JAKMIP3: variants seen among roughly 807,000 people sequenced by gnomAD.
JAKMIP3 encodes Janus kinase and microtubule interacting protein 3, also known as janus kinase and microtubule-interacting protein 3.
Under a neutral mutation model 118.5 loss-of-function variants are expected in JAKMIP3, and 58 were observed. The ratio of observed to expected loss-of-function variants is 0.49; its 90% CI spans 0.40 to 0.61. JAKMIP3 has a LOEUF of 0.61. JAKMIP3 is among the 20% of genes least tolerant of loss of function. The pLI, the probability that JAKMIP3 is intolerant of heterozygous loss-of-function variation, is 0.00. For synonymous variants in JAKMIP3, 486 were observed against 451.2 expected (o/e 1.08, Z -0.98); for missense variants, 950 against 1,109.0 (o/e 0.86, Z 2.04).
chr10:132,092,269 A>G (rs1388001755), intron 1 of JAKMIP3, among the ~76,000 whole-genome samples: 2 of 152,058 alleles, frequency 1.3e-5, no homozygotes, highest in Non-Finnish European at 2.9e-5. Flanking sequence ...CTTGAGGAGT[A>G]TCTTTGTGGT....
chr10:132,169,064 C>A, intron 23 of JAKMIP3, 31 bp downstream of exon 23: 1 of 153,424 alleles, frequency 6.5e-6, no homozygotes, highest in Non-Finnish European at 1.5e-5. Flanking sequence ...GCGGGGAGGG[C>A]CTTTGCACCC....
At chr10:132,079,515 G>A (rs972717446) in intron 1 of JAKMIP3, among the ~76,000 whole-genome samples, 29 of 152,130 alleles carry the variant, frequency 1.9e-4, no homozygotes, top group Admixed American at 6.5e-5. Flanking sequence ...AAGCCAGGAG[G>A]GTTGACACTA....
intron 16 of JAKMIP3, among the ~76,000 whole-genome samples, chr10:132,151,781 C>A (rs758446705): frequency 1.3e-5 from 2 of 152,028 alleles, no homozygotes; most frequent in Non-Finnish European, 2.9e-5. Context: ...CTGCAGTCAT[C>A]ATGCAGCCTC....
intron 1 of JAKMIP3, among the ~76,000 whole-genome samples, chr10:132,051,821 G>C (rs2038114137): frequency 6.6e-6 from 1 of 152,170 alleles, no homozygotes; most frequent in Non-Finnish European, 1.5e-5. Flanking sequence ...TGCCCAGGTT[G>C]CTCTCAAACT....
chr10:132,156,017 T>G (rs2057047413), intron 19 of JAKMIP3, among the ~76,000 whole-genome samples: 1 of 152,086 alleles, frequency 6.6e-6, no homozygotes, highest in Non-Finnish European at 1.5e-5. Context: ...CATGCTTTGG[T>G]CAGAAGGAAG....
intron 1 of JAKMIP3, among the ~76,000 whole-genome samples, chr10:132,097,183 C>T (rs2043991072): frequency 6.6e-6 from 1 of 152,238 alleles, no homozygotes; most frequent in African/African-American, 2.4e-5. Context: ...GAGGCAAGGC[C>T]CCTCTGGAGA....
Position 132,180,718 on chromosome 10 carries a change from TGCGTGTGTGTGCGTGTGTGCGTGC to T in JAKMIP3, c.*1104-1637_*1104-1614del, listed in dbSNP as rs2061143099. On this transcript the variant is annotated intron_variant, in intron 23 of 23. Coordinates refer to ENST00000684848, the MANE Select transcript of JAKMIP3 (RefSeq NM_001323087.2). Reference sequence around the variant, plus strand: ...GTGCGTGTGTGTGTGCGCGTGTGTGTGCGTGTGTGTGCGTGTGTGCGTGCGTGCGCGCGCGTGTGTGCGTGTGTG... The same window carrying T: ...GTGCGTGTGTGTGTGCGCGTGTGTGTGTGCGCGCGCGTGTGTGCGTGTGTG... Among the ~76,000 whole-genome samples the T allele has an allele frequency of 8.0e-4, 15 of 18,778 alleles. 2 individuals are homozygous for T. Among genetic ancestry groups the T allele is most frequent in the African/African-American group, 3.0e-3 (10 of 3,346 alleles). The allele number at this position is 18,778 out of a possible 152,430, so 12.3% of individuals were successfully genotyped here. A position where few individuals can be genotyped will look rare whatever the true frequency, so the allele number is the denominator to read the frequency against.
At position 132,168,573 on chromosome 10, in the gene JAKMIP3, G is replaced by A; in HGVS notation, c.*643G>A. ...TCCACCCTCGTTCATCATCATCTCT[G>A]TGGGGACAGACAAGAGCCGTGGCCG... On this transcript the variant is annotated 3_prime_UTR_variant, in exon 23 of 24. Transcript: ENST00000684848. The A allele has an allele frequency of 2.6e-6, 1 of 387,784 alleles. No individual in the cohort carries two copies. The highest frequency in any genetic ancestry group is 2.0e-5 in the South Asian group (1 of 48,868). The allele number at this position is 387,784 out of a possible 1,614,324, so 24.0% of individuals were successfully genotyped here. A position where few individuals can be genotyped will look rare whatever the true frequency, so the allele number is the denominator to read the frequency against.
intron 19 of JAKMIP3, 108 bp from the exon 20 acceptor site, chr10:132,163,101 C>T: frequency 9.1e-7 from 1 of 1,100,240 alleles, no homozygotes; most frequent in South Asian, 1.5e-5. Context: ...GTTGCATATC[C>T]TCTTGGCCCT....
intron 1 of JAKMIP3, among the ~76,000 whole-genome samples, chr10:132,041,390 G>C (rs1030307933): frequency 1.3e-5 from 2 of 152,236 alleles, no homozygotes; most frequent in Non-Finnish European, 2.9e-5. Flanking sequence ...GGGGAACCCT[G>C]AGAGGAGGTG....
At chr10:132,113,382 T>C (rs867127002) in intron 2 of JAKMIP3, among the ~76,000 whole-genome samples, 7 of 152,340 alleles carry the variant, frequency 4.6e-5, no homozygotes, top group Non-Finnish European at 8.8e-5. Context: ...CTGCCAGGCT[T>C]CTGTGACAGT....
chr10:132,074,887 C>T (rs2040531778), intron 1 of JAKMIP3, among the ~76,000 whole-genome samples: 2 of 152,144 alleles, frequency 1.3e-5, no homozygotes, highest in Non-Finnish European at 2.9e-5. Context: ...TTTCATTCTT[C>T]TGAATTATGG....
chr10:132,079,578 T>C (rs1445216947), intron 1 of JAKMIP3, among the ~76,000 whole-genome samples: 1 of 152,150 alleles, frequency 6.6e-6, no homozygotes, highest in Non-Finnish European at 1.5e-5. Context: ...ATGCCACCAG[T>C]TTTTAAATTT....
intron 3 of JAKMIP3, among the ~76,000 whole-genome samples, chr10:132,129,222 T>C (rs1437024454): frequency 6.6e-6 from 1 of 152,224 alleles, no homozygotes; most frequent in African/African-American, 2.4e-5. Flanking sequence ...AGTTTTAAAA[T>C]CCTAGGACAT....
At chr10:132,077,610 T>A (rs1483809768) in intron 1 of JAKMIP3, among the ~76,000 whole-genome samples, 4 of 152,098 alleles carry the variant, frequency 2.6e-5, no homozygotes, top group Non-Finnish European at 5.9e-5. Flanking sequence ...AGGATGGGAG[T>A]GACATTCTCT....
At chr10:132,101,533 G>A (rs765714423) in intron 1 of JAKMIP3, among the ~76,000 whole-genome samples, 16 of 152,144 alleles carry the variant, frequency 1.1e-4, no homozygotes, top group Non-Finnish European at 1.5e-4. Flanking sequence ...GCAAAACTAT[G>A]GGAACGACAA....
intron 1 of JAKMIP3, among the ~76,000 whole-genome samples, chr10:132,073,477 G>A (rs540988092): frequency 1.4e-4 from 21 of 149,798 alleles, no homozygotes; most frequent in African/African-American, 4.4e-4. Flanking sequence ...GAGCCACTGC[G>A]CCCGGCCTAT....
chr10:132,164,895 A>G (rs796577128), intron 21 of JAKMIP3, among the ~76,000 whole-genome samples, 160 bp downstream of exon 21: 1 of 151,206 alleles, frequency 6.6e-6, no homozygotes, highest in Non-Finnish European at 1.5e-5. Context: ...GGCTGGGCGG[A>G]GCTGAGCTGG....
At chr10:132,181,069 G>A (rs187567285) in intron 23 of JAKMIP3, among the ~76,000 whole-genome samples, 53 of 152,034 alleles carry the variant, frequency 3.5e-4, no homozygotes, top group African/African-American at 9.4e-4. Flanking sequence ...TTGTGTGTAC[G>A]TGCACATGTA....
Sources: allele counts gnomAD v4.1 joint callset (sites outside exome capture counted in the v4.1 genomes callset), GRCh38; gene constraint gnomAD v4.1.1; transcripts MANE v1.5; gene names NCBI Gene and HGNC (gene_info 2026-07-23, HGNC 2026-07-21).